Variants in DPF3 observed in about 807,000 individuals in gnomAD.
DPF3 encodes double PHD fingers 3, also known as zinc finger protein DPF3.
Under a neutral mutation model 56.8 loss-of-function variants are expected in DPF3, and 18 were observed. That is an observed-to-expected ratio of 0.32 (90% CI 0.22 to 0.47). DPF3 has a LOEUF of 0.47. Ranked by LOEUF, DPF3 falls within the 20% of genes least tolerant of loss-of-function variation. The probability of loss-of-function intolerance (pLI) is 1.00; values close to 1 mark genes in which losing one functional copy is unlikely to be tolerated. For synonymous variants in DPF3, 188 were observed against 180.2 expected (o/e 1.04, Z -0.35); for missense variants, 403 against 488.8 (o/e 0.82, Z 1.65).
intron 7 of DPF3, 93 bp from the exon 8 acceptor site, chr14:72,674,461 G>C: frequency 6.8e-7 from 1 of 1,479,608 alleles, no homozygotes; most frequent in Non-Finnish European, 9.0e-7. Context: ...ATCTGCTCCA[G>C]AAGGAATCTG....
chr14:72,794,353 C>T (rs1419276248), intron 1 of DPF3, among the ~76,000 whole-genome samples: 1 of 152,212 alleles, frequency 6.6e-6, no homozygotes, highest in African/African-American at 2.4e-5. Flanking sequence ...TTATCCACTC[C>T]AGGGGCCTCT....
At chr14:72,792,558 A>G (rs986202292) in intron 1 of DPF3, among the ~76,000 whole-genome samples, 1 of 152,126 alleles carries the variant, frequency 6.6e-6, no homozygotes, top group South Asian at 2.1e-4. Context: ...AGTCCACACC[A>G]TGGACTCCTG....
rs548866739 is a variant in DPF3, at chr14:72,681,784, G to A, written c.743-7416C>T. Among the ~76,000 whole-genome samples the A allele has an allele frequency of 1.4e-4, 22 of 152,342 alleles. No homozygotes were observed. In the South Asian group the frequency reaches 4.6e-3, roughly 32 times the overall value. On this transcript the variant is annotated intron_variant, in intron 7 of 10. Transcript: ENST00000556509. ...AAAAGGCCACAACAATTTGCCAGCA[G>A]TGTGTGCACCATGTCACCAGCTCTG... is the stretch of plus-strand genomic sequence containing the variant.
chr14:72,838,345 T>G (rs539223568), intron 1 of DPF3, among the ~76,000 whole-genome samples: 1 of 152,014 alleles, frequency 6.6e-6, no homozygotes, highest in African/African-American at 2.4e-5. Context: ...AATACAAAAA[T>G]TAGCTGGGCG....
chr14:72,632,308 T>G (rs1885213784), intron 8 of DPF3, among the ~76,000 whole-genome samples: 1 of 152,188 alleles, frequency 6.6e-6, no homozygotes, highest in Non-Finnish European at 1.5e-5. Context: ...CATATGTATT[T>G]GTACATGTAA....
At chr14:72,700,560 A>G (rs1888114229) in intron 6 of DPF3, among the ~76,000 whole-genome samples, 1 of 152,220 alleles carries the variant, frequency 6.6e-6, no homozygotes, top group Non-Finnish European at 1.5e-5. Flanking sequence ...TAATCTTGAA[A>G]GTCTGGCCAG....
intron 4 of DPF3, 121 bp downstream of exon 4, chr14:72,731,686 G>A: frequency 7.4e-7 from 1 of 1,351,566 alleles, no homozygotes; most frequent in Non-Finnish European, 1.0e-6. Context: ...TAGAAACAAG[G>A]CAGTCTGAGA....
chr14:72,888,587 A>G lies in DPF3; in HGVS notation c.32+5470T>C, dbSNP rs551287257. Among the ~76,000 whole-genome samples the G allele has an allele frequency of 7.1e-4, 108 of 152,330 alleles. No homozygotes were observed. In the Middle Eastern group the frequency reaches 0.017, roughly 24 times the overall value. On this transcript the variant is annotated intron_variant, in intron 1 of 10. Coordinates refer to ENST00000556509, the MANE Select transcript of DPF3 (RefSeq NM_001280542.3). ...AACAACAATCTTTGCAGAGTTCCATACCACACAGTGGTTTTACCCACTCCT... is the reference window on the plus strand; with the variant it reads ...AACAACAATCTTTGCAGAGTTCCATGCCACACAGTGGTTTTACCCACTCCT...
chr14:72,768,941 G>GTGTGTGTGAGTGTC (rs1555505135), intron 2 of DPF3, among the ~76,000 whole-genome samples: 8 of 134,406 alleles, frequency 6.0e-5, no homozygotes, highest in Non-Finnish European at 1.3e-4. Flanking sequence ...GTCTGTGTGT[G>GTGTGTGTGAGTGTC]TGTGTGTGTG....
At chr14:72,726,133 G>A (rs1281447194) in intron 4 of DPF3, among the ~76,000 whole-genome samples, 1 of 152,190 alleles carries the variant, frequency 6.6e-6, no homozygotes, top group Non-Finnish European at 1.5e-5. Flanking sequence ...CAAATGCTCT[G>A]CAGCCTTTGG....
At chr14:72,727,359 C>T (rs767929531) in intron 4 of DPF3, among the ~76,000 whole-genome samples, 2 of 152,126 alleles carry the variant, frequency 1.3e-5, no homozygotes, top group Admixed American at 6.5e-5. Flanking sequence ...AGGCGGATCA[C>T]GAGGTTAGGA....
At chr14:72,713,664 A>T (rs1328829322) in intron 6 of DPF3, among the ~76,000 whole-genome samples, 2 of 152,186 alleles carry the variant, frequency 1.3e-5, no homozygotes, top group African/African-American at 4.8e-5. Context: ...GGTACCCGGT[A>T]CAGTGAGAAG....
At chr14:72,702,844 C>T (rs1888234534) in intron 6 of DPF3, among the ~76,000 whole-genome samples, 1 of 152,160 alleles carries the variant, frequency 6.6e-6, no homozygotes, top group Non-Finnish European at 1.5e-5. Flanking sequence ...TTCTCAAAAG[C>T]CAACGGTGGA....
Position 72,798,609 on chromosome 14 carries a change from G to A in DPF3, c.33-26716C>T, listed in dbSNP as rs560729221. ...GCTCCAGAGTTCCCATGGAGAACTC[G>A]GGGTCCCTAGTTGGCTGCAGCAGGG... On this transcript the variant is annotated intron_variant, in intron 1 of 10. Coordinates refer to ENST00000556509, the MANE Select transcript of DPF3 (RefSeq NM_001280542.3). Among the ~76,000 whole-genome samples the A allele has an allele frequency of 8.5e-5, 13 of 152,320 alleles. No homozygotes were observed. In the East Asian group the frequency reaches 2.3e-3, roughly 27 times the overall value.
rs1305935638 is a variant in DPF3, at chr14:72,619,152, G to A, written c.*145C>T. On this transcript the variant is annotated 3_prime_UTR_variant, in exon 11 of 11. Coordinates refer to ENST00000556509, the MANE Select transcript of DPF3 (RefSeq NM_001280542.3). ...GGTCAGGAGATGCCTCACCCTCTTC[G>A]TTCCATGTGTCCCTGCCCCTCTGGG... The A allele has an allele frequency of 3.9e-6, 3 of 774,376 alleles. No individual in the cohort carries two copies. Among genetic ancestry groups the A allele is most frequent in the Non-Finnish European group, 6.0e-6 (3 of 496,750 alleles). 48.0% of individuals were successfully genotyped at this position (774,376 alleles called of 1,614,324 possible).
intron 7 of DPF3, among the ~76,000 whole-genome samples, chr14:72,681,179 A>G (rs1195752670): frequency 6.6e-6 from 1 of 152,086 alleles, no homozygotes; most frequent in African/African-American, 2.4e-5. Flanking sequence ...TTTTGAGGGG[A>G]AAAAAAATCT....
intron 5 of DPF3, among the ~76,000 whole-genome samples, chr14:72,720,960 ATAATT>A (rs1442463957): frequency 6.6e-6 from 1 of 152,212 alleles, no homozygotes; most frequent in African/African-American, 2.4e-5. Context: ...TGATAGTTTT[ATAATT>A]TAATATAAAA....
intron 1 of DPF3, among the ~76,000 whole-genome samples, chr14:72,870,246 AGT>A (rs1346955095): frequency 6.6e-6 from 1 of 152,184 alleles, no homozygotes; most frequent in Non-Finnish European, 1.5e-5. Context: ...CCCTGACAAC[AGT>A]GTGTCAGGCC....
At chr14:72,748,455 G>T (rs1890418447) in intron 3 of DPF3, among the ~76,000 whole-genome samples, 1 of 152,096 alleles carries the variant, frequency 6.6e-6, no homozygotes, top group Admixed American at 6.5e-5. Flanking sequence ...TGGAAAATTT[G>T]CAGCCTGACA....
Sources: allele counts gnomAD v4.1 joint callset (sites outside exome capture counted in the v4.1 genomes callset), GRCh38; gene constraint gnomAD v4.1.1; transcripts MANE v1.5; gene names NCBI Gene and HGNC (gene_info 2026-07-23, HGNC 2026-07-21).